DDR2: variants seen among roughly 807,000 people sequenced by gnomAD.
DDR2 encodes discoidin domain receptor tyrosine kinase 2, also known as discoidin domain-containing receptor 2.
DDR2 carries 27 observed loss-of-function variants against 94.9 expected under a neutral mutation model. The ratio of observed to expected loss-of-function variants is 0.28; its 90% CI spans 0.21 to 0.39. The LOEUF (loss-of-function observed/expected upper bound fraction) is 0.39, where lower values mean the gene tolerates loss of function less well. Ranked by LOEUF, DDR2 falls within the 10% of genes least tolerant of loss-of-function variation. The probability of loss-of-function intolerance (pLI) is 1.00; values close to 1 mark genes in which losing one functional copy is unlikely to be tolerated. For missense variants in DDR2, 783 were observed against 1,076.0 expected, an observed-to-expected ratio of 0.73 and a Z score of 3.81; for synonymous variants, 382 against 377.2, an observed-to-expected ratio of 1.01 and a Z score of -0.15.
chr1:162,763,027 GGGTTTCGCCATGT>G (rs1437716704), intron 9 of DDR2, among the ~76,000 whole-genome samples: 1 of 151,898 alleles, frequency 6.6e-6, no homozygotes, highest in Non-Finnish European at 1.5e-5. Context: ...AGTAGAGATA[GGGTTTCGCCATGT>G]TGGCCAGGCT....
At chr1:162,727,396 A>C (rs1208845475) in intron 3 of DDR2, among the ~76,000 whole-genome samples, 1 of 144,572 alleles carries the variant, frequency 6.9e-6, no homozygotes, top group East Asian at 2.0e-4. Context: ...ATCTATATTT[A>C]TGTGTGTATA....
rs78724068 is a variant in DDR2, at chr1:162,752,870, A to G, written c.83-225A>G. Among the ~76,000 whole-genome samples the G allele has an allele frequency of 8.5e-3, 1,289 of 152,170 alleles. 20 individuals carry two copies. The highest frequency in any genetic ancestry group is 0.029 in the African/African-American group (1,202 of 41,520). On this transcript the variant is annotated intron_variant, in intron 3 of 17. Transcript: ENST00000367921. ...TGTCAGAGTTTGAACCAAAATATAGATTTGGCTGGGGGTCAAATCTCGGAG... is the reference window on the plus strand; with the variant it reads ...TGTCAGAGTTTGAACCAAAATATAGGTTTGGCTGGGGGTCAAATCTCGGAG...
intron 9 of DDR2, among the ~76,000 whole-genome samples, chr1:162,762,272 C>G (rs1663782462): frequency 6.6e-6 from 1 of 152,176 alleles, no homozygotes; most frequent in Non-Finnish European, 1.5e-5. Flanking sequence ...AGCTTCTGTT[C>G]TCTGTCATTC....
intron 8 of DDR2, among the ~76,000 whole-genome samples, chr1:162,760,512 ATATATG>A (rs369364938): frequency 2.0e-4 from 18 of 89,256 alleles, no homozygotes; most frequent in South Asian, 7.7e-4. Context: ...ATACAACTAT[ATATATG>A]TATATACATA....
At chr1:162,721,723 G>A (rs900759757) in intron 3 of DDR2, among the ~76,000 whole-genome samples, 16 of 152,296 alleles carry the variant, frequency 1.1e-4, no homozygotes, top group Admixed American at 3.3e-4. Context: ...TTCTTGGCCA[G>A]TTAGGTTTTT....
At chr1:162,724,183 C>A (rs779081222) in intron 3 of DDR2, among the ~76,000 whole-genome samples, 1 of 152,284 alleles carries the variant, frequency 6.6e-6, no homozygotes, top group Admixed American at 6.5e-5. Flanking sequence ...TAAGCTAGGA[C>A]GAGGACCCAG....
intron 2 of DDR2, among the ~76,000 whole-genome samples, chr1:162,710,794 T>G (rs564996944): frequency 6.8e-6 from 1 of 147,358 alleles, no homozygotes; most frequent in South Asian, 2.2e-4. Flanking sequence ...ACACAAACAT[T>G]GTATTTGCCT....
rs149916375 is a variant in DDR2 at position 162,645,965 on chromosome 1, C to T, written c.-191-9246C>T. On this transcript the variant is annotated intron_variant, in intron 1 of 17. Coordinates refer to ENST00000367921, the MANE Select transcript of DDR2 (RefSeq NM_006182.4). ...TGGTATGTGTTAGTATGTAAAAAGC[C>T]AAAGTCCCCATAGCACATCTGCTCA... is the stretch of plus-strand genomic sequence containing the variant. 1.6e-3 allele frequency among the ~76,000 whole-genome samples: 243 copies of T among 152,222 alleles called. 2 individuals are homozygous for T. The highest frequency in any genetic ancestry group is 0.014 in the Admixed American group (216 of 15,286).
In DDR2 at chr1:162,696,471, C is replaced by G. The variant is rs555404928; in HGVS notation, c.-27-22566C>G. 5.3e-5 allele frequency among the ~76,000 whole-genome samples: 8 copies of G among 152,060 alleles called. No individual in the cohort carries two copies. In the East Asian group the frequency reaches 1.6e-3, roughly 29 times the overall value. ...TGTGTTTGTTTGGCTGTGACTCTTT[C>G]CCTTCTGTTTCCCTCTCGGTGTCAT... On this transcript the variant is annotated intron_variant, in intron 2 of 17. Transcript: ENST00000367921.
chr1:162,690,423 T>G (rs1322745226), intron 2 of DDR2, among the ~76,000 whole-genome samples: 2 of 152,122 alleles, frequency 1.3e-5, no homozygotes, highest in African/African-American at 4.8e-5. Context: ...CCAAGTCATA[T>G]CTCCTCTTGG....
intron 2 of DDR2, among the ~76,000 whole-genome samples, chr1:162,683,285 G>T (rs892035460): frequency 3.3e-5 from 5 of 152,026 alleles, no homozygotes; most frequent in Non-Finnish European, 4.4e-5. Flanking sequence ...AAGAATATCT[G>T]CTCCTGCCAC....
chr1:162,725,612 C>T (rs1400361338), intron 3 of DDR2, among the ~76,000 whole-genome samples: 2 of 152,294 alleles, frequency 1.3e-5, no homozygotes, highest in Non-Finnish European at 2.9e-5. Context: ...CTCCTGACCT[C>T]GCCCTCCTAA....
intron 3 of DDR2, among the ~76,000 whole-genome samples, chr1:162,733,214 C>T (rs1187209241): frequency 2.6e-5 from 4 of 152,148 alleles, no homozygotes; most frequent in African/African-American, 9.7e-5. Flanking sequence ...ATTTGATGAA[C>T]GAGGAAGTGG....
rs115369576 is a variant in DDR2 at position 162,744,397 on chromosome 1, G to T, written c.83-8698G>T. Reference sequence around the variant, plus strand: ...TTGATATGTAACGTATGTGGAATCAGGCAATATTTACCCTTCTATGGCTGG... The same window carrying T: ...TTGATATGTAACGTATGTGGAATCATGCAATATTTACCCTTCTATGGCTGG... On this transcript the variant is annotated intron_variant, in intron 3 of 17. Transcript: ENST00000367921. 9.5e-3 allele frequency among the ~76,000 whole-genome samples: 1,444 copies of T among 152,220 alleles called. 22 individuals are homozygous for T. Among genetic ancestry groups the T allele is most frequent in the African/African-American group, 0.033 (1,379 of 41,522 alleles).
intron 2 of DDR2, among the ~76,000 whole-genome samples, chr1:162,660,125 G>C (rs1012775297): frequency 6.6e-6 from 1 of 152,084 alleles, no homozygotes; most frequent in Non-Finnish European, 1.5e-5. Flanking sequence ...GATGAGAGGG[G>C]TTTGGAGTCT....
At chr1:162,632,904 C>T (rs537227362) in intron 1 of DDR2, among the ~76,000 whole-genome samples, 11 of 152,174 alleles carry the variant, frequency 7.2e-5, no homozygotes, top group African/African-American at 2.7e-4. Context: ...ATAGCAGCTG[C>T]AAGATACAAT....
At chr1:162,650,668 G>A (rs574181528) in intron 1 of DDR2, among the ~76,000 whole-genome samples, 15 of 152,070 alleles carry the variant, frequency 9.9e-5, no homozygotes, top group African/African-American at 3.1e-4. Flanking sequence ...CAGGCTTTTC[G>A]ACTCCCTCCT....
intron 2 of DDR2, among the ~76,000 whole-genome samples, chr1:162,688,229 T>G (rs2101970532): frequency 6.6e-6 from 1 of 152,294 alleles, no homozygotes; most frequent in Admixed American, 6.5e-5. Context: ...TCATGTTTGG[T>G]TCAATGTGAG....
chr1:162,658,774 C>G (rs1238477397), intron 2 of DDR2, among the ~76,000 whole-genome samples: 1 of 149,128 alleles, frequency 6.7e-6, no homozygotes, highest in Non-Finnish European at 1.5e-5. Flanking sequence ...GCATGGTAAG[C>G]CCTGTTCACA....
Sources: gnomAD v4.1 joint callset for allele counts (sites outside exome capture counted in the v4.1 genomes callset) on GRCh38, gnomAD v4.1.1 for gene constraint, MANE v1.5 for transcripts, NCBI Gene and HGNC (gene_info 2026-07-23, HGNC 2026-07-21) for gene names.